The following FOXP1 variants were observed in gnomAD, a reference collection of about 807,000 sequenced individuals.
FOXP1 encodes the protein forkhead box protein P1.
A neutral mutation model predicts 98.2 loss-of-function variants in FOXP1; 15 were observed. The observed-to-expected ratio is 0.15, with a 90% CI of 0.10 to 0.24. The LOEUF is 0.24. FOXP1 is among the 10% of genes least tolerant of loss of function. The probability of loss-of-function intolerance (pLI) is 1.00; values close to 1 mark genes in which losing one functional copy is unlikely to be tolerated. For missense variants in FOXP1, 633 were observed against 848.5 expected (o/e 0.75, Z 3.15); for synonymous variants, 371 against 314.5 (o/e 1.18, Z -1.90).
rs560039737 is a variant in FOXP1 at position 71,524,220 on chromosome 3, C to T, written c.-297-30665G>A. On this transcript the variant is annotated intron_variant, in intron 2 of 20. Coordinates refer to ENST00000649528, the MANE Select transcript of FOXP1 (RefSeq NM_001349338.3). Reference sequence around the variant, plus strand: ...CTCTAGTAAAAATACAAAATTCAGCCGGGCATGGTGGTGTACGCCTATAAT... The same window carrying T: ...CTCTAGTAAAAATACAAAATTCAGCTGGGCATGGTGGTGTACGCCTATAAT... 2.0e-3 allele frequency among the ~76,000 whole-genome samples: 310 copies of T among 152,074 alleles called. 1 individual carries two copies. Among genetic ancestry groups the T allele is most frequent in the African/African-American group, 7.2e-3 (300 of 41,480 alleles).
rs1200322870 is a variant in FOXP1, at chr3:71,582,663, G to A, written c.-447+908C>T. 6 of 985,284 alleles carry A rather than the reference G, an allele frequency of 6.1e-6. No individual in the cohort carries two copies. In the African/African-American group the frequency reaches 8.7e-5, roughly 14 times the overall value. The allele number at this position is 985,284 out of a possible 1,614,324, so 61.0% of individuals were successfully genotyped here. ...ATGGTGGGAGAGAGATCCGGGCGCG[G>A]CGACTCCTCGCAGCGCATCCGGCTC... On this transcript the variant is annotated intron_variant, in intron 1 of 20. Coordinates refer to ENST00000649528, the MANE Select transcript of FOXP1 (RefSeq NM_001349338.3).
At chr3:71,217,844 T>C (rs1468342203) in intron 5 of FOXP1, among the ~76,000 whole-genome samples, 1 of 152,164 alleles carries the variant, frequency 6.6e-6, no homozygotes, top group Non-Finnish European at 1.5e-5. Flanking sequence ...AGTGCCCTGC[T>C]CATCGAACAC....
intron 1 of FOXP1, chr3:71,582,910 C>T (rs1272993855): frequency 1.5e-6 from 1 of 683,472 alleles, no homozygotes; most frequent in Admixed American, 6.3e-5. Flanking sequence ...CAGGGCCAGG[C>T]ACCACAGTCA....
intron 2 of FOXP1, chr3:71,581,261 G>A: frequency 3.0e-6 from 3 of 985,384 alleles, no homozygotes; most frequent in Non-Finnish European, 3.6e-6. Context: ...GGGGTGAGAA[G>A]GGGGGCGAGG....
At chr3:71,538,700 T>G (rs1375374870) in intron 2 of FOXP1, among the ~76,000 whole-genome samples, 1 of 152,154 alleles carries the variant, frequency 6.6e-6, no homozygotes, top group East Asian at 1.9e-4. Context: ...TAGGTCCCAG[T>G]TTATCTATTT....
chr3:71,064,594 C>A (rs1342665064), intron 7 of FOXP1, among the ~76,000 whole-genome samples: 1 of 151,766 alleles, frequency 6.6e-6, no homozygotes, highest in Non-Finnish European at 1.5e-5. Flanking sequence ...CCAGGACCCA[C>A]AGGCCTGCAG....
intron 12 of FOXP1, among the ~76,000 whole-genome samples, chr3:71,002,566 T>C (rs1331871635): frequency 2.0e-5 from 3 of 152,150 alleles, no homozygotes; most frequent in East Asian, 3.8e-4. Context: ...AAGAAGCATG[T>C]TGTAATTGAG....
chr3:71,504,024 G>GA (rs2041619648), intron 2 of FOXP1, among the ~76,000 whole-genome samples: 1 of 152,244 alleles, frequency 6.6e-6, no homozygotes, highest in South Asian at 2.1e-4. Flanking sequence ...AAATTCCCAG[G>GA]AAGATCAACG....
intron 5 of FOXP1, among the ~76,000 whole-genome samples, chr3:71,236,935 T>C (rs2066836527): frequency 6.9e-6 from 1 of 144,860 alleles, no homozygotes; most frequent in Admixed American, 6.8e-5. Context: ...GTGAAACTGG[T>C]TTTAAAAATA....
chr3:71,064,457 AAGAGAG>A (rs900905237), intron 7 of FOXP1, among the ~76,000 whole-genome samples: 3 of 152,042 alleles, frequency 2.0e-5, no homozygotes, highest in African/African-American at 7.2e-5. Flanking sequence ...GCAAACGAAA[AAGAGAG>A]AGAGAGAAAC....
chr3:71,294,534 C>T (rs1035176587), intron 5 of FOXP1, among the ~76,000 whole-genome samples: 6 of 152,132 alleles, frequency 3.9e-5, no homozygotes, highest in African/African-American at 9.7e-5. Context: ...CCTTCTTACA[C>T]GGTGCTATAA....
intron 5 of FOXP1, among the ~76,000 whole-genome samples, chr3:71,213,791 G>A (rs1223426206): frequency 2.0e-5 from 3 of 152,052 alleles, no homozygotes; most frequent in African/African-American, 4.8e-5. Flanking sequence ...ACTCCAGCCT[G>A]GGCGACAGAG....
intron 2 of FOXP1, among the ~76,000 whole-genome samples, chr3:71,530,996 C>G (rs527383818): frequency 1.1e-3 from 166 of 152,086 alleles, no homozygotes; most frequent in Non-Finnish European, 1.7e-3. Flanking sequence ...TTTTATAAAT[C>G]AAGATTCTTC....
chr3:71,440,877 A>C (rs2085869341), intron 3 of FOXP1, among the ~76,000 whole-genome samples: 1 of 152,138 alleles, frequency 6.6e-6, no homozygotes, highest in Admixed American at 6.5e-5. Flanking sequence ...AAATAAAATA[A>C]AACAAAATAA....
intron 2 of FOXP1, among the ~76,000 whole-genome samples, chr3:71,566,771 G>A (rs910427001): frequency 2.0e-5 from 3 of 152,164 alleles, no homozygotes; most frequent in Non-Finnish European, 4.4e-5. Flanking sequence ...CCCTCCTGAA[G>A]GCGCTGGGCT....
chr3:71,326,470 G>T (rs978165863), intron 4 of FOXP1, among the ~76,000 whole-genome samples: 2 of 152,136 alleles, frequency 1.3e-5, no homozygotes, highest in African/African-American at 2.4e-5. Flanking sequence ...GTGACAACTT[G>T]AATTTCATGC....
chr3:71,032,717 A>G (rs377554853), intron 11 of FOXP1, among the ~76,000 whole-genome samples: 1 of 152,212 alleles, frequency 6.6e-6, no homozygotes, highest in East Asian at 1.9e-4. Flanking sequence ...TAACTGCACA[A>G]AAAAGCATCT....
intron 2 of FOXP1, among the ~76,000 whole-genome samples, chr3:71,513,815 C>A (rs943202286): frequency 6.6e-6 from 1 of 152,126 alleles, no homozygotes; most frequent in African/African-American, 2.4e-5. Flanking sequence ...ACCATAAGAC[C>A]GGGTTTACCT....
intron 5 of FOXP1, among the ~76,000 whole-genome samples, chr3:71,272,388 A>C (rs1175781293): frequency 1.3e-5 from 2 of 152,182 alleles, no homozygotes; most frequent in African/African-American, 4.8e-5. Context: ...TATACCCAAC[A>C]GTGGTGAGCA....
Sources: gnomAD v4.1 joint callset for allele counts (sites outside exome capture counted in the v4.1 genomes callset) on GRCh38, gnomAD v4.1.1 for gene constraint, MANE v1.5 for transcripts, NCBI Gene and HGNC (gene_info 2026-07-23, HGNC 2026-07-21) for gene names.